SYT7: variants seen among roughly 807,000 people sequenced by gnomAD.
SYT7 encodes synaptotagmin 7.
Under a neutral mutation model 75.1 loss-of-function variants are expected in SYT7, and 29 were observed. That is an observed-to-expected ratio of 0.39 (90% CI 0.29 to 0.53). SYT7 has a LOEUF of 0.53. Among genes scored for constraint, SYT7 ranks in the 20% least tolerant of loss-of-function variants. SYT7 has a pLI of 0.77. For synonymous variants in SYT7, 376 were observed against 401.7 expected (o/e 0.94, Z 0.76); for missense variants, 693 against 953.2 (o/e 0.73, Z 3.59).
rs1012621168 is a variant in SYT7, at chr11:61,523,481, T to C, written c.1757-207A>G. Among the ~76,000 whole-genome samples, 4 of 152,006 alleles carry C rather than the reference T, an allele frequency of 2.6e-5. No individual in the cohort carries two copies. The highest frequency in any genetic ancestry group is 2.0e-4 in the Admixed American group (3 of 15,272). ...CCTGGGGCCCTCCTATTACTACCAA[T>C]GAGGAAACTGAGCCCCAGAGAGGCC... is the stretch of plus-strand genomic sequence containing the variant. On this transcript the variant is annotated intron_variant, in intron 11 of 12. Transcript: ENST00000539008. This position sits in a 1 kb window ranked among gnomAD's most constrained non-coding sequence, Gnocchi z 5.0.
At position 61,523,346 on chromosome 11, in the gene SYT7, A is replaced by ATTCCT; in HGVS notation, c.1757-73_1757-72insAGGAA. The stretch of plus-strand genomic sequence containing the variant: ...CTTCCTAGGATCCTTTTCCCCTTCC[A>ATTCCT]GGAATGGAAGCTGAGGCAGGAGGGC... On this transcript the variant is annotated intron_variant, in intron 11 of 12. Transcript: ENST00000539008. The surrounding 1 kb of genome is among the most constrained non-coding windows in gnomAD (Gnocchi z 5.0). 2 of 1,471,972 alleles carry ATTCCT rather than the reference A, an allele frequency of 1.4e-6. No homozygotes were observed. The highest frequency in any genetic ancestry group is 1.9e-6 in the Non-Finnish European group (2 of 1,055,314). 91.2% of individuals were successfully genotyped at this position (1,471,972 alleles called of 1,614,324 possible). A position where few individuals can be genotyped will look rare whatever the true frequency, so the allele number is the denominator to read the frequency against.
the SYT7 span, among the ~76,000 whole-genome samples, chr11:61,586,156 C>T: frequency 6.6e-6 from 1 of 152,232 alleles, no homozygotes; most frequent in African/African-American, 2.4e-5. Flanking sequence ...CCTGTAACCT[C>T]TTCATCCAGA....
chr11:61,556,164 G>A lies in SYT7; in HGVS notation c.75C>T (p.Thr25=). ...RDVLLVSAII[T]VSLSVTVVLC... ...GGACGACAGTGACGCTAAGGCTGAC[G>A]GTGATGATGGCAGAGACCAGCAGGA... The change falls in exon 2 of 13, where the codon ACC becomes ACT. Residue 25 remains threonine (T), a synonymous_variant. Transcript: ENST00000539008. The A allele has an allele frequency of 1.9e-6, 3 of 1,614,026 alleles. No homozygotes were observed. Among genetic ancestry groups the A allele is most frequent in the East Asian group, 2.2e-5 (1 of 44,860 alleles).
Position 61,518,501 on chromosome 11 carries a change from C to T in SYT7, c.*126G>A, listed in dbSNP as rs111352609. 0.012 allele frequency: 7,146 copies of T among 616,094 alleles called. 62 individuals carry two copies. The highest frequency in any genetic ancestry group is 0.014 in the Non-Finnish European group (5,216 of 374,814). 38.2% of individuals were successfully genotyped at this position (616,094 alleles called of 1,614,324 possible). On this transcript the variant is annotated 3_prime_UTR_variant, in exon 13 of 13. Transcript: ENST00000539008. ...GCCCAGTTGAGTCCTGGGACCCCTC[C>T]CTGGCTGAGCCCTCAGGGTCCTCCC...
At chr11:61,541,357 A>C in intron 6 of SYT7, 10 of 901,216 alleles carry the variant, frequency 1.1e-5, no homozygotes, top group Non-Finnish European at 1.2e-5. Context: ...GGCAGCCCAG[A>C]CCTGTCTTAG....
At chr11:61,578,020 A>G (rs75039926) in intron 1 of SYT7, among the ~76,000 whole-genome samples, 13,970 of 152,134 alleles carry the variant, frequency 0.092, 1,584 homozygotes, top group African/African-American at 0.27. Flanking sequence ...TGAGGGCAGG[A>G]AGAGGCCGTG....
chr11:61,538,362 A>AGAGAGG, intron 6 of SYT7, 96 bp from the exon 7 acceptor site: 1 of 794,142 alleles, frequency 1.3e-6, no homozygotes. Context: ...AGAGAGAGAG[A>AGAGAGG]GAGAGAGAGA....
intron 9 of SYT7, chr11:61,525,709 C>T (rs1024067608): frequency 6.6e-5 from 10 of 152,356 alleles, no homozygotes; most frequent in African/African-American, 2.2e-4. Flanking sequence ...CACTGGCTCT[C>T]GGTGCCTAAC....
rs1234815446 is a variant in SYT7 at position 61,515,027 on chromosome 11, CCT to C, written c.*3598_*3599del. ...AGGCTGGGTGACCCTGGAGGGCACC[CCT>C]GAGGCCTAGAGAGGACTCTACTCCC... On this transcript the variant is annotated 3_prime_UTR_variant, in exon 13 of 13. Transcript: ENST00000539008. 6.6e-6 allele frequency among the ~76,000 whole-genome samples: 1 copy of C among 152,170 alleles called. No homozygotes were observed. The highest frequency in any genetic ancestry group is 1.5e-5 in the Non-Finnish European group (1 of 68,014).
chr11:61,552,522 A>C (rs2063382995), intron 2 of SYT7, among the ~76,000 whole-genome samples: 1 of 151,916 alleles, frequency 6.6e-6, no homozygotes. Context: ...GCTTCCCAAC[A>C]CCCTGTCATG....
At chr11:61,584,205 T>C (rs1048398729), upstream of SYT7, among the ~76,000 whole-genome samples, 3 of 151,606 alleles carry the variant, frequency 2.0e-5, no homozygotes, top group Admixed American at 6.6e-5. Context: ...CTGACCAACA[T>C]GGTGAAACTC....
Position 61,527,889 on chromosome 11 carries a change from G to A in SYT7, c.1471+26C>T. On this transcript the variant is annotated intron_variant, in intron 9 of 12. Transcript: ENST00000539008. ...TGGTAGACAGCAAGAGGTGACCATG[G>A]CGGGGGAAGGTGGCACTAGACTCAC... 3 of 1,610,230 alleles carry A rather than the reference G, an allele frequency of 1.9e-6. No homozygotes were observed. The Admixed American group carries it at 5.0e-5, about 27-fold the overall frequency.
In SYT7 at chr11:61,551,278, G is replaced by T. The variant is rs146374873; in HGVS notation, c.215+106C>A. 658 of 1,056,506 alleles carry T rather than the reference G, an allele frequency of 6.2e-4. 2 individuals are homozygous for T. The African/African-American group carries it at 9.4e-3, about 15-fold the overall frequency. The allele number at this position is 1,056,506 out of a possible 1,614,324, so 65.4% of individuals were successfully genotyped here. ...GAGAGCATGGCATCGGGGTGTGGGG[G>T]AAGTGAAAGTGTGTGGTCAGGTCTG... is the stretch of plus-strand genomic sequence containing the variant. On this transcript the variant is annotated intron_variant, in intron 3 of 12. Coordinates refer to ENST00000539008, the MANE Select transcript of SYT7 (RefSeq NM_001365809.2). This position sits in a 1 kb window ranked among gnomAD's most constrained non-coding sequence, Gnocchi z 5.3.
chr11:61,585,114 G>C (rs951635179), upstream of SYT7, among the ~76,000 whole-genome samples: 2 of 152,198 alleles, frequency 1.3e-5, no homozygotes, highest in East Asian at 3.9e-4. Flanking sequence ...TGCTGGGCCT[G>C]CACTCTCCCA....
chr11:61,567,092 A>C (rs1467206906), intron 1 of SYT7, among the ~76,000 whole-genome samples: 1 of 152,200 alleles, frequency 6.6e-6, no homozygotes, highest in Non-Finnish European at 1.5e-5. Flanking sequence ...TGAAGCTCCC[A>C]GAAAGGTTTC....
intron 2 of SYT7, among the ~76,000 whole-genome samples, chr11:61,552,894 CAT>C (rs1313911507): frequency 1.3e-5 from 2 of 152,226 alleles, no homozygotes; most frequent in Non-Finnish European, 2.9e-5. Flanking sequence ...GCTCTCATCA[CAT>C]ATATGAGTAT....
In SYT7 at chr11:61,528,247, C is replaced by T. The variant is rs1013440197; in HGVS notation, c.1201-62G>A. On this transcript the variant is annotated intron_variant, in intron 8 of 12. Transcript: ENST00000539008. ...GATTCTGCTTCCCCCATGTCCCCAC[C>T]GCTGGCTAGCACGGGTGAGAGGCCA... 5 of 1,572,912 alleles carry T rather than the reference C, an allele frequency of 3.2e-6. No homozygotes were observed. The South Asian group carries it at 3.5e-5, about 11-fold the overall frequency.
At chr11:61,583,376 C>T (rs2064322666), upstream of SYT7, among the ~76,000 whole-genome samples, 2 of 152,204 alleles carry the variant, frequency 1.3e-5, no homozygotes, top group Admixed American at 1.3e-4. Flanking sequence ...CTCATCACCA[C>T]CACTCAACAG....
At chr11:61,581,280 G>T (rs1046185643), upstream of SYT7, 2 of 148,174 alleles carry the variant, frequency 1.3e-5, no homozygotes, top group African/African-American at 4.9e-5. Context: ...CACGGCCGCC[G>T]CCCCGCGCCC....
Sources: allele counts gnomAD v4.1 joint callset (sites outside exome capture counted in the v4.1 genomes callset), GRCh38; gene constraint gnomAD v4.1.1; non-coding constraint Gnocchi (gnomAD v3.1); transcripts MANE v1.5; gene names NCBI Gene and HGNC (gene_info 2026-07-23, HGNC 2026-07-21).